The following BABAM2 variants were observed in gnomAD, a reference collection of about 807,000 sequenced individuals.
BABAM2 encodes BRISC and BRCA1 A complex member 2, also known as BRISC and BRCA1-A complex member 2.
Under a neutral mutation model 54.7 loss-of-function variants are expected in BABAM2, and 31 were observed. That is an observed-to-expected ratio of 0.57 (90% CI 0.43 to 0.77). The LOEUF (loss-of-function observed/expected upper bound fraction) is 0.77, where lower values mean the gene tolerates loss of function less well. Ranked by LOEUF, BABAM2 falls within the 30% of genes least tolerant of loss-of-function variation. The probability of loss-of-function intolerance (pLI) is 0.00; values close to 1 mark genes in which losing one functional copy is unlikely to be tolerated. For missense variants in BABAM2, 364 were observed against 455.8 expected, an observed-to-expected ratio of 0.80 and a Z score of 1.83; for synonymous variants, 167 against 162.9, an observed-to-expected ratio of 1.03 and a Z score of -0.19.
intron 6 of BABAM2, among the ~76,000 whole-genome samples, chr2:28,083,800 T>C (rs1665394333): frequency 6.6e-6 from 1 of 152,210 alleles, no homozygotes; most frequent in African/African-American, 2.4e-5. Context: ...ATAGATGATG[T>C]TTCTTTACTT....
intron 7 of BABAM2, among the ~76,000 whole-genome samples, chr2:28,210,204 T>C (rs939782811): frequency 1.3e-5 from 2 of 152,206 alleles, no homozygotes; most frequent in Non-Finnish European, 1.5e-5. Flanking sequence ...CCTCCCTGCT[T>C]TCCTGCCTTT....
chr2:27,979,270 G>A (rs1671831753), intron 3 of BABAM2, among the ~76,000 whole-genome samples: 1 of 151,840 alleles, frequency 6.6e-6, no homozygotes, highest in South Asian at 2.1e-4. Flanking sequence ...CTCACCTCAG[G>A]TGATCCATCT....
chr2:28,090,887 TGAAAATTAG>T (rs1474989778), intron 6 of BABAM2, among the ~76,000 whole-genome samples: 3 of 152,234 alleles, frequency 2.0e-5, no homozygotes, highest in Non-Finnish European at 4.4e-5. Flanking sequence ...TTTCTCACCC[TGAAAATTAG>T]GATACATTAT....
chr2:28,068,849 T>TA (rs901562401), intron 6 of BABAM2, among the ~76,000 whole-genome samples: 1 of 152,018 alleles, frequency 6.6e-6, no homozygotes, highest in African/African-American at 2.4e-5. Context: ...TGATAAAAAC[T>TA]AAAAAAAATG....
intron 3 of BABAM2, among the ~76,000 whole-genome samples, chr2:27,935,724 A>T (rs190317928): frequency 6.6e-6 from 1 of 152,266 alleles, no homozygotes; most frequent in East Asian, 1.9e-4. Context: ...AATGTGGCAG[A>T]CTTCATTGTT....
At chr2:28,242,924 ATCT>A (rs1682578268) in intron 9 of BABAM2, among the ~76,000 whole-genome samples, 1 of 152,188 alleles carries the variant, frequency 6.6e-6, no homozygotes, top group Non-Finnish European at 1.5e-5. Context: ...AATACCATTG[ATCT>A]TCTTATTTTT....
At chr2:27,996,535 C>A (rs1182008008) in intron 4 of BABAM2, 1 of 154,630 alleles carries the variant, frequency 6.5e-6, no homozygotes, top group Non-Finnish European at 1.5e-5. Flanking sequence ...TCTTACAAGA[C>A]TGCTGATTGC....
At chr2:28,022,244 A>G (rs1344758240) in intron 4 of BABAM2, among the ~76,000 whole-genome samples, 1 of 152,194 alleles carries the variant, frequency 6.6e-6, no homozygotes, top group African/African-American at 2.4e-5. Context: ...CAAAATTACC[A>G]CTATTCATGA....
intron 10 of BABAM2, among the ~76,000 whole-genome samples, chr2:28,275,664 G>A (rs754549225): frequency 2.6e-5 from 4 of 152,142 alleles, no homozygotes; most frequent in East Asian, 1.9e-4. Context: ...ATTTATTAGC[G>A]TGGCTGGGTC....
intron 1 of BABAM2, 47 bp from the exon 2 acceptor site, chr2:27,894,486 T>G: frequency 6.4e-7 from 1 of 1,557,058 alleles, no homozygotes; most frequent in Non-Finnish European, 8.8e-7. Flanking sequence ...GTGTTGTATC[T>G]AGTCCATTTG....
At chr2:28,231,996 G>A (rs1435493921) in intron 7 of BABAM2, among the ~76,000 whole-genome samples, 2 of 151,312 alleles carry the variant, frequency 1.3e-5, no homozygotes, top group Non-Finnish European at 2.9e-5. Flanking sequence ...TTTAGAGATG[G>A]GATCTCGCTA....
At chr2:28,318,251 C>G (rs1292231414) in intron 11 of BABAM2, among the ~76,000 whole-genome samples, 1 of 151,720 alleles carries the variant, frequency 6.6e-6, no homozygotes, top group African/African-American at 2.4e-5. Context: ...AAGGGCTGGA[C>G]TAGATAAGGG....
chr2:28,031,306 G>C (rs754264070), intron 5 of BABAM2, among the ~76,000 whole-genome samples: 2 of 152,096 alleles, frequency 1.3e-5, no homozygotes, highest in African/African-American at 2.4e-5. Context: ...AATGTCACAG[G>C]GCTTTTCCTT....
intron 7 of BABAM2, among the ~76,000 whole-genome samples, chr2:28,140,395 C>A (rs556307059): frequency 6.6e-6 from 1 of 152,086 alleles, no homozygotes; most frequent in Non-Finnish European, 1.5e-5. Context: ...ATAGGAGAAG[C>A]GCTTGACTAC....
intron 6 of BABAM2, among the ~76,000 whole-genome samples, chr2:28,098,051 C>T (rs1666772603): frequency 2.0e-5 from 3 of 152,146 alleles, no homozygotes; most frequent in Non-Finnish European, 4.4e-5. Flanking sequence ...TTTCCTTTGG[C>T]ATTTTGCCTA....
At position 28,329,220 on chromosome 2, in the gene BABAM2, G is replaced by T. The variant is rs1041749531; in HGVS notation, c.1089-9230G>T. On this transcript the variant is annotated intron_variant, in intron 11 of 11. Coordinates refer to ENST00000379624, the MANE Select transcript of BABAM2 (RefSeq NM_199191.3). This position sits in a 1 kb window ranked among gnomAD's most constrained non-coding sequence, Gnocchi z 4.2. ...AGCTAGAGGGCAGAGGGGTGGCCGA[G>T]AGGAACAGGCCTTCATGTCCCCCGA... 6.6e-6 allele frequency among the ~76,000 whole-genome samples: 1 copy of T among 152,222 alleles called. No individual in the cohort carries two copies. The highest frequency in any genetic ancestry group is 1.5e-5 in the Non-Finnish European group (1 of 68,044).
chr2:27,961,721 TC>T (rs1670483273), intron 3 of BABAM2, among the ~76,000 whole-genome samples: 2 of 131,964 alleles, frequency 1.5e-5, no homozygotes, highest in South Asian at 2.8e-4. Flanking sequence ...CCCTTAATTA[TC>T]TTTTTTTTTT....
intron 6 of BABAM2, among the ~76,000 whole-genome samples, chr2:28,101,315 A>G (rs570960762): frequency 6.6e-6 from 1 of 152,242 alleles, no homozygotes; most frequent in Admixed American, 6.5e-5. Context: ...CTGACACAAC[A>G]GGGTTATGGC....
intron 4 of BABAM2, among the ~76,000 whole-genome samples, chr2:27,988,377 T>A (rs1317744191): frequency 6.6e-6 from 1 of 152,218 alleles, no homozygotes; most frequent in Admixed American, 6.5e-5. Context: ...AATATTTTCT[T>A]TGTTTTAACA....
Sources: gnomAD v4.1 joint callset for allele counts (sites outside exome capture counted in the v4.1 genomes callset) on GRCh38, gnomAD v4.1.1 for gene constraint, Gnocchi (gnomAD v3.1) non-coding constraint, MANE v1.5 for transcripts, NCBI Gene and HGNC (gene_info 2026-07-23, HGNC 2026-07-21) for gene names.